Variants in ROBO1 observed in about 807,000 individuals in gnomAD.
ROBO1 encodes the protein roundabout homolog 1.
Under a neutral mutation model 195.9 loss-of-function variants are expected in ROBO1, and 149 were observed. The ratio of observed to expected loss-of-function variants is 0.76; its 90% confidence interval spans 0.67 to 0.87. The LOEUF (loss-of-function observed/expected upper bound fraction) is 0.87. Ranked by LOEUF, ROBO1 falls within the 40% of genes least tolerant of loss-of-function variation. ROBO1 has a pLI of 0.00. For synonymous variants in ROBO1, 816 were observed against 733.2 expected (o/e 1.11, Z -1.82); for missense variants, 1,933 against 2,068.3 (o/e 0.93, Z 1.27).
At chr3:79,169,144 G>A (rs2081123355) in intron 2 of ROBO1, among the ~76,000 whole-genome samples, 1 of 152,168 alleles carries the variant, frequency 6.6e-6, no homozygotes, top group Non-Finnish European at 1.5e-5. Flanking sequence ...GGCTATGAAA[G>A]TGGACTATTG....
rs115487740 is a variant in ROBO1, at chr3:79,031,488, C to T, written c.173-92561G>A. Among the ~76,000 whole-genome samples the T allele has an allele frequency of 3.6e-3, 549 of 152,208 alleles. 6 individuals carry two copies. The highest frequency in any genetic ancestry group is 0.012 in the African/African-American group (507 of 41,532). ...CTTAGGTGCATATGTAGAATAATAA[C>T]GAAGCACAATGTTCATTTCTAAAAT... On this transcript the variant is annotated intron_variant, in intron 3 of 30. Coordinates refer to ENST00000464233, the MANE Select transcript of ROBO1 (RefSeq NM_002941.4).
chr3:78,974,076 CA>C (rs1045490916), intron 3 of ROBO1, among the ~76,000 whole-genome samples: 18 of 149,692 alleles, frequency 1.2e-4, no homozygotes, highest in African/African-American at 2.5e-4. Flanking sequence ...GTTTTAATTT[CA>C]AAAAAAAACA....
At chr3:79,454,772 T>C (rs923780795) in intron 2 of ROBO1, among the ~76,000 whole-genome samples, 1 of 152,162 alleles carries the variant, frequency 6.6e-6, no homozygotes, top group East Asian at 1.9e-4. Flanking sequence ...TCTTTACATT[T>C]GTTTCTTCAG....
At chr3:78,782,105 T>C (rs1273900668) in intron 4 of ROBO1, among the ~76,000 whole-genome samples, 2 of 152,334 alleles carry the variant, frequency 1.3e-5, no homozygotes, top group South Asian at 2.1e-4. Flanking sequence ...ACCTGTCATT[T>C]TCTTGCTTTA....
At chr3:78,601,992 ATATAAT>A (rs1157955803) in intron 29 of ROBO1, among the ~76,000 whole-genome samples, 3 of 151,564 alleles carry the variant, frequency 2.0e-5, no homozygotes, top group Non-Finnish European at 2.9e-5. Context: ...TATATGTATA[ATATAAT>A]TATATATACG....
At chr3:79,275,997 A>G (rs1279420277) in intron 2 of ROBO1, among the ~76,000 whole-genome samples, 1 of 152,006 alleles carries the variant, frequency 6.6e-6, no homozygotes, top group African/African-American at 2.4e-5. Flanking sequence ...ATGGAAAGCT[A>G]TTCCATGTTC....
At chr3:79,679,808 A>G (rs1946889709) in intron 1 of ROBO1, among the ~76,000 whole-genome samples, 1 of 151,892 alleles carries the variant, frequency 6.6e-6, no homozygotes, top group African/African-American at 2.4e-5. Context: ...TGACAAATAT[A>G]TTTTTCTCAC....
intron 3 of ROBO1, among the ~76,000 whole-genome samples, chr3:78,943,010 G>C (rs1371887446): frequency 1.3e-5 from 2 of 151,874 alleles, no homozygotes; most frequent in African/African-American, 2.4e-5. Context: ...GTCAGGAGAT[G>C]GAGACCATCC....
intron 2 of ROBO1, among the ~76,000 whole-genome samples, chr3:79,482,811 A>C (rs1938934397): frequency 6.6e-6 from 1 of 152,334 alleles, no homozygotes; most frequent in South Asian, 2.1e-4. Context: ...ACCTCAAAAT[A>C]AAGATAGGAT....
chr3:79,341,966 A>C (rs1021293027), intron 2 of ROBO1, among the ~76,000 whole-genome samples: 1 of 152,150 alleles, frequency 6.6e-6, no homozygotes, highest in Non-Finnish European at 1.5e-5. Context: ...GAGGCAGAGG[A>C]GTTAGGAACA....
At chr3:78,953,970 C>T (rs1236515523) in intron 3 of ROBO1, among the ~76,000 whole-genome samples, 1 of 151,976 alleles carries the variant, frequency 6.6e-6, no homozygotes, top group Non-Finnish European at 1.5e-5. Flanking sequence ...TCTGGAATTA[C>T]ATTAGGATTC....
chr3:79,092,814 C>T (rs545924956), intron 3 of ROBO1, among the ~76,000 whole-genome samples: 1 of 152,164 alleles, frequency 6.6e-6, no homozygotes, highest in African/African-American at 2.4e-5. Context: ...CAGAGTCAAT[C>T]ATTTTTTGAC....
Position 78,885,494 on chromosome 3 carries a change from T to C in ROBO1, c.499+53107A>G, listed in dbSNP as rs188460708. 2.2e-3 allele frequency among the ~76,000 whole-genome samples: 324 copies of C among 147,580 alleles called. 1 individual carries two copies. Among genetic ancestry groups the C allele is most frequent in the Admixed American group, 3.9e-3 (57 of 14,694 alleles). On this transcript the variant is annotated intron_variant, in intron 4 of 30. Coordinates refer to ENST00000464233, the MANE Select transcript of ROBO1 (RefSeq NM_002941.4). ...TGAAATAAAAGTTCCCCAAATTCCATTTGCCAAATAAGAAATTTCCATCTA... is the reference window on the plus strand; with the variant it reads ...TGAAATAAAAGTTCCCCAAATTCCACTTGCCAAATAAGAAATTTCCATCTA...
At chr3:79,648,275 A>G (rs1190420083) in intron 1 of ROBO1, among the ~76,000 whole-genome samples, 1 of 152,130 alleles carries the variant, frequency 6.6e-6, no homozygotes, top group East Asian at 1.9e-4. Flanking sequence ...TCTGCATTTC[A>G]GCCATCTTCT....
chr3:79,467,102 G>C (rs1329873895), intron 2 of ROBO1, among the ~76,000 whole-genome samples: 1 of 152,148 alleles, frequency 6.6e-6, no homozygotes, highest in Non-Finnish European at 1.5e-5. Flanking sequence ...TTTGCTCTTT[G>C]TAGGGAAGTT....
At chr3:79,412,873 GATTTTT>G (rs2037832832) in intron 2 of ROBO1, among the ~76,000 whole-genome samples, 1 of 34,828 alleles carries the variant, frequency 2.9e-5, no homozygotes, top group African/African-American at 1.2e-4. Flanking sequence ...CTCATGAGCT[GATTTTT>G]TTTTTTTTTT....
chr3:79,207,034 C>T (rs781493460), intron 2 of ROBO1, among the ~76,000 whole-genome samples: 2 of 151,906 alleles, frequency 1.3e-5, no homozygotes, highest in African/African-American at 2.4e-5. Flanking sequence ...ATTTGCATGA[C>T]GATGTTCAGT....
chr3:79,149,175 G>A (rs1220849496), intron 2 of ROBO1, among the ~76,000 whole-genome samples: 2 of 151,870 alleles, frequency 1.3e-5, no homozygotes, highest in East Asian at 3.9e-4. Flanking sequence ...GCATACTTCT[G>A]CGTTCAGATA....
chr3:79,340,008 G>A (rs1029496226), intron 2 of ROBO1, among the ~76,000 whole-genome samples: 6 of 152,064 alleles, frequency 3.9e-5, no homozygotes, highest in South Asian at 2.1e-4. Flanking sequence ...TCTATGTTCC[G>A]GCTTCTAGGT....
Sources: gnomAD v4.1 joint callset for allele counts (sites outside exome capture counted in the v4.1 genomes callset) on GRCh38, gnomAD v4.1.1 for gene constraint, MANE v1.5 for transcripts, NCBI Gene and HGNC (gene_info 2026-07-23, HGNC 2026-07-21) for gene names.